Variants in EIF4G1 observed in about 807,000 individuals in gnomAD.
EIF4G1 encodes EIF4-gamma.
In EIF4G1, 4 loss-of-function variants were observed where a neutral mutation model predicts 187.8. The ratio of observed to expected loss-of-function variants is 0.02; its 90% CI spans 0.01 to 0.05. The LOEUF (loss-of-function observed/expected upper bound fraction) is 0.05, where lower values mean the gene tolerates loss of function less well. EIF4G1 is among the 10% of genes least tolerant of loss of function. EIF4G1 has a pLI of 1.00. For synonymous variants in EIF4G1, 844 were observed against 781.4 expected, an observed-to-expected ratio of 1.08 and a Z score of -1.34; for missense variants, 1,647 against 2,081.1, an observed-to-expected ratio of 0.79 and a Z score of 4.06.
Position 184,324,126 on chromosome 3 carries a change from A to C in EIF4G1, c.2473-75A>C, listed in dbSNP as rs1054418643. Reference sequence around the variant, plus strand: ...CTGGGGCCAGAGATCTTCCTGGGTCAGGTAGTTAAAGGCTCTTGGAGGGCC... The same window carrying C: ...CTGGGGCCAGAGATCTTCCTGGGTCCGGTAGTTAAAGGCTCTTGGAGGGCC... On this transcript the variant is annotated intron_variant, in intron 16 of 32. Coordinates refer to ENST00000346169, the MANE Select transcript of EIF4G1 (RefSeq NM_198241.3). The C allele has an allele frequency of 8.1e-6, 13 of 1,607,834 alleles. No homozygotes were observed. The African/African-American group carries it at 1.7e-4, about 22-fold the overall frequency.
chr3:184,315,789 C>T lies in EIF4G1; in HGVS notation c.-8C>T. 1 of 1,551,654 alleles carries T rather than the reference C, an allele frequency of 6.4e-7. No individual in the cohort carries two copies. Among genetic ancestry groups the T allele is most frequent in the Non-Finnish European group, 8.7e-7 (1 of 1,146,968 alleles). ...TGCTGGGGGGACCCTGATGTGGCAC[C>T]AAATGAAATGAACAAAGCTCCACAG... On this transcript the variant is annotated 5_prime_UTR_variant, in exon 3 of 33. The change creates a premature stop within an existing upstream ORF in the 5' untranslated region. Transcript: ENST00000346169.
rs763547215 is a variant in EIF4G1 at position 184,321,022 on chromosome 3, A to C, written c.697+29A>C. 1.7e-5 allele frequency: 28 copies of C among 1,610,692 alleles called. No homozygotes were observed. The East Asian group carries it at 6.2e-4, about 36-fold the overall frequency. ...AGTAAGCCGGTGGGACGGAGCTTTT[A>C]TGGGGAAAGGGAATGTTAACAGTTA... On this transcript the variant is annotated intron_variant, in intron 9 of 32. Transcript: ENST00000346169.
Position 184,325,609 on chromosome 3 carries a change from C to T in EIF4G1, c.3091C>T (p.Arg1031Cys), listed in dbSNP as rs1724731259. The change falls in exon 20 of 33, where the codon CGT becomes TGT. Residue 1031 changes from arginine to cysteine, a missense_variant. By Grantham distance (180) the Arg-to-Cys change is radical. This residue lies in a region of EIF4G1 where 142 missense variants were observed against 296.6 expected (regional missense o/e 0.48). Coordinates refer to ENST00000346169, the MANE Select transcript of EIF4G1 (RefSeq NM_198241.3). This position sits in a 1 kb window ranked among gnomAD's most constrained non-coding sequence, Gnocchi z 5.2. Reference protein sequence around the residue: ...QQLMAKGSDKRRGGPPGPPIS... With the variant: ...QQLMAKGSDKCRGGPPGPPIS... ...GCTCATGGCCAAGGGCAGTGACAAG[C>T]GTCGGGGCGGTCCTCCAGGCCCTCC... 1 of 1,614,064 alleles carries T rather than the reference C, an allele frequency of 6.2e-7. No individual in the cohort carries two copies. Among genetic ancestry groups the T allele is most frequent in the East Asian group, 2.2e-5 (1 of 44,892 alleles).
At position 184,319,673 on chromosome 3, in the gene EIF4G1, T is replaced by C. The variant is rs1577196273; in HGVS notation, c.425-16T>C. On this transcript the variant is annotated splice_polypyrimidine_tract_variant and intron_variant, in intron 6 of 32. Coordinates refer to ENST00000346169, the MANE Select transcript of EIF4G1 (RefSeq NM_198241.3). ...CTGACGCTACCACCATTCTTCTCCG[T>C]CCCCCCTCCCCCAAGCTGGCGCCTA... 2 of 1,505,440 alleles carry C rather than the reference T, an allele frequency of 1.3e-6. No homozygotes were observed. The highest frequency in any genetic ancestry group is 1.8e-6 in the Non-Finnish European group (2 of 1,099,554). The allele number at this position is 1,505,440 out of a possible 1,614,324, so 93.3% of individuals were successfully genotyped here. A position where few individuals can be genotyped will look rare whatever the true frequency, so the allele number is the denominator to read the frequency against.
Position 184,321,978 on chromosome 3 carries a change from A to C in EIF4G1, c.1394A>C (p.Glu465Ala), listed in dbSNP as rs1371214485. 7.7e-5 allele frequency: 124 copies of C among 1,614,134 alleles called. 2 individuals carry two copies. The East Asian group carries it at 2.3e-3, about 29-fold the overall frequency. ...EEMEEEEEEE[E>A]GEAGEAGEAE... ...ATGGAAGAAGAAGAAGAAGAGGAAG[A>C]AGGAGAAGCAGGAGAAGCAGGAGAA... The change falls in exon 10 of 33, where the codon GAA (glutamate) becomes GCA (alanine). Residue 465 changes from glutamate (E) to alanine (A), a missense_variant. Glu to Ala is a moderately radical substitution (Grantham distance 107). Coordinates refer to ENST00000346169, the MANE Select transcript of EIF4G1 (RefSeq NM_198241.3).
rs758876661 is a variant in EIF4G1 at position 184,332,031 on chromosome 3, G to A, written c.4563G>A (p.Glu1521=). 1 of 1,614,228 alleles carries A rather than the reference G, an allele frequency of 6.2e-7. No individual in the cohort carries two copies. Among genetic ancestry groups the A allele is most frequent in the Non-Finnish European group, 8.5e-7 (1 of 1,180,034 alleles). The change falls in exon 32 of 33, where the codon GAG becomes GAA. Residue 1521 remains glutamate, a synonymous_variant. Transcript: ENST00000346169. ...LQKYLCDEQK[E]LQALYALQAL... ...AATACCTGTGTGACGAGCAGAAGGA[G>A]CTACAGGCGCTCTACGCCCTCCAGG...
Position 184,326,572 on chromosome 3 carries a change from C to A in EIF4G1, c.3268C>A (p.Arg1090=), listed in dbSNP as rs1234398314. 6 of 1,613,210 alleles carry A rather than the reference C, an allele frequency of 3.7e-6. No individual in the cohort carries two copies. The highest frequency in any genetic ancestry group is 1.3e-5 in the African/African-American group (1 of 74,872). The change falls in exon 22 of 33, where the codon CGA becomes AGA. Residue 1090 remains arginine (R), a synonymous_variant. Transcript: ENST00000346169. The stretch of plus-strand genomic sequence containing the variant: ...CAACCAGCTCTTTGCACCTGGAGGG[C>A]GACTGAGCTGGGGCAAGGGCAGCAG... The part of the protein sequence containing the change: ...SNNQLFAPGG[R]LSWGKGSSGG...
In EIF4G1 at chr3:184,315,207, G is replaced by T. The variant is rs996175668; in HGVS notation, c.-91-282G>T. The T allele has an allele frequency of 8.4e-6, 3 of 359,002 alleles. No individual in the cohort carries two copies. The East Asian group carries it at 2.3e-4, about 27-fold the overall frequency. 22.2% of individuals were successfully genotyped at this position (359,002 alleles called of 1,614,324 possible). ...CTCCTCGACGGCCGCCGCCCGCCTGGCCTTTTAGGGCCTGACTCCCGCCCT... is the reference window on the plus strand; with the variant it reads ...CTCCTCGACGGCCGCCGCCCGCCTGTCCTTTTAGGGCCTGACTCCCGCCCT... On this transcript the variant is annotated intron_variant, in intron 1 of 32. Coordinates refer to ENST00000346169, the MANE Select transcript of EIF4G1 (RefSeq NM_198241.3).
intron 4 of EIF4G1, among the ~76,000 whole-genome samples, chr3:184,316,971 T>G (rs1722911014): frequency 6.6e-6 from 1 of 152,098 alleles, no homozygotes. Flanking sequence ...GGTGGAGCAG[T>G]GCATGCTGGG....
chr3:184,331,206 G>A, intron 28 of EIF4G1, 60 bp from the exon 29 acceptor site: 2 of 1,551,008 alleles, frequency 1.3e-6, no homozygotes, highest in Admixed American at 1.7e-5. Flanking sequence ...ATGTGGTAGA[G>A]CTGTTGGGTC....
chr3:184,332,127 CTGCCAGATAGCAGGGCA>C, intron 32 of EIF4G1, 41 bp downstream of exon 32: 1 of 1,613,954 alleles, frequency 6.2e-7, no homozygotes, highest in Non-Finnish European at 8.5e-7. Flanking sequence ...GGTGGAGGGA[CTGCCAGATAGCAGGGCA>C]TGAGACCCTT....
In EIF4G1 at chr3:184,321,393, C is replaced by T; in HGVS notation, c.809C>T (p.Pro270Leu). 1 of 1,614,156 alleles carries T rather than the reference C, an allele frequency of 6.2e-7. No homozygotes were observed. The highest frequency in any genetic ancestry group is 8.5e-7 in the Non-Finnish European group (1 of 1,180,036). ...CCTTCTCCGACCCCATCACCATCCC[C>T]AGTCTTGGAACCGGGGTCTGAGCCT... ...SSPSPTPSPS[P>L]VLEPGSEPNL... is the part of the protein sequence containing the mutation. Residue 270 changes from proline (P) to leucine (L), a missense_variant, in exon 10 of 33, where the codon CCA (proline) becomes CTA (leucine). Around this residue, in one of 11 missense-constraint regions of EIF4G1, gnomAD observed 522 missense variants for 485.2 expected, o/e 1.08. Coordinates refer to ENST00000346169, the MANE Select transcript of EIF4G1 (RefSeq NM_198241.3).
At position 184,325,995 on chromosome 3, in the gene EIF4G1, T is replaced by G. The variant is rs376984167; in HGVS notation, c.3222+44T>G. ...GTGGGTGATTCAGCTCAGGTTTAGA[T>G]CTTAGTCCCTTCACTTTTCTAAAGT... On this transcript the variant is annotated intron_variant, in intron 21 of 32. Coordinates refer to ENST00000346169, the MANE Select transcript of EIF4G1 (RefSeq NM_198241.3). The surrounding 1 kb of genome is among the most constrained non-coding windows in gnomAD (Gnocchi z 5.2). The G allele has an allele frequency of 3.8e-6, 6 of 1,586,516 alleles. No homozygotes were observed. In the African/African-American group the frequency reaches 8.1e-5, roughly 21 times the overall value.
chr3:184,319,670 C>A lies in EIF4G1; in HGVS notation c.425-19C>A. ...GCCCTGACGCTACCACCATTCTTCT[C>A]CGTCCCCCCTCCCCCAAGCTGGCGC... On this transcript the variant is annotated intron_variant, in intron 6 of 32. Transcript: ENST00000346169. 1 of 1,494,672 alleles carries A rather than the reference C, an allele frequency of 6.7e-7. No homozygotes were observed. The highest frequency in any genetic ancestry group is 9.2e-7 in the Non-Finnish European group (1 of 1,090,476). 92.6% of individuals were successfully genotyped at this position (1,494,672 alleles called of 1,614,324 possible). A position where few individuals can be genotyped will look rare whatever the true frequency, so the allele number is the denominator to read the frequency against.
intron 7 of EIF4G1, 60 bp from the exon 8 acceptor site, chr3:184,320,570 G>T: frequency 6.2e-7 from 1 of 1,613,200 alleles, no homozygotes; most frequent in East Asian, 2.2e-5. Flanking sequence ...TAAGATTGGG[G>T]CAGGGTGGAG....
intron 32 of EIF4G1, among the ~76,000 whole-genome samples, chr3:184,333,785 T>C (rs1726580644): frequency 6.6e-6 from 1 of 152,222 alleles, no homozygotes; most frequent in Non-Finnish European, 1.5e-5. Flanking sequence ...CAGGGCTTTT[T>C]GTTTTTAGGT....
intron 26 of EIF4G1, 44 bp from the exon 27 acceptor site, chr3:184,328,587 G>A (rs760839088): frequency 5.6e-6 from 9 of 1,613,936 alleles, no homozygotes; most frequent in Non-Finnish European, 7.6e-6. Context: ...GAAGGAGAGT[G>A]GGGACCTGGC....
chr3:184,320,902 C>G, intron 8 of EIF4G1, 25 bp from the exon 9 acceptor site: 1 of 1,614,122 alleles, frequency 6.2e-7, no homozygotes. Context: ...TCAGTGCAAA[C>G]TTGGTAACCC....
Position 184,322,106 on chromosome 3 carries a change from A to G in EIF4G1, c.1519+3A>G, listed in dbSNP as rs1723990636. 1.2e-6 allele frequency: 2 copies of G among 1,613,954 alleles called. No homozygotes were observed. Among genetic ancestry groups the G allele is most frequent in the Admixed American group, 3.3e-5 (2 of 59,926 alleles). Reference sequence around the variant, plus strand: ...GGAGGCAGCAGCAGCCACTCAAGGTAAGGTGTGGTTGGACGGTAGAGGTAG... The same window carrying G: ...GGAGGCAGCAGCAGCCACTCAAGGTGAGGTGTGGTTGGACGGTAGAGGTAG... On this transcript the variant is annotated splice_donor_region_variant and intron_variant, in intron 10 of 32. Coordinates refer to ENST00000346169, the MANE Select transcript of EIF4G1 (RefSeq NM_198241.3).
Sources: gnomAD v4.1 joint callset for allele counts (sites outside exome capture counted in the v4.1 genomes callset) on GRCh38, gnomAD v4.1.1 for gene constraint, gnomAD v4.1.1 regional missense constraint, Gnocchi (gnomAD v3.1) non-coding constraint, MANE v1.5 for transcripts, NCBI Gene and HGNC (gene_info 2026-07-23, HGNC 2026-07-21) for gene names.